The following FAM9C variants were observed in gnomAD, a reference collection of about 807,000 sequenced individuals.
The protein encoded by FAM9C is family with sequence similarity 9 member C.
A neutral mutation model predicts 14.8 loss-of-function variants in FAM9C; 15 were observed. The ratio of observed to expected loss-of-function variants is 1.02; its 90% CI spans 0.68 to 1.56. FAM9C has a LOEUF of 1.56. Among genes scored for constraint, FAM9C ranks in the 40% most tolerant of loss-of-function variants. The probability of loss-of-function intolerance (pLI) is 0.00; values close to 1 mark genes in which losing one functional copy is unlikely to be tolerated. For synonymous variants in FAM9C, 45 were observed against 37.5 expected (o/e 1.20, Z -0.74); for missense variants, 116 against 118.0 (o/e 0.98, Z 0.08).
intron 7 of FAM9C, 41 bp downstream of exon 7, chrX:13,038,375 G>T: frequency 9.9e-7 from 1 of 1,010,876 alleles, no homozygotes. Context: ...TGCATGTGTT[G>T]TATTTTATAA....
rs1461774577 is a variant in FAM9C at position 13,035,685 on chromosome X, C to A, written c.*359G>T. The A allele has an allele frequency of 8.9e-6, 1 of 112,257 alleles. No homozygotes were observed. The highest frequency in any genetic ancestry group is 1.9e-5 in the Non-Finnish European group (1 of 53,164). The allele number at this position is 112,257 out of a possible 1,213,427, so 9.3% of individuals were successfully genotyped here. ...TGCCCGTGCTTTCCACATTTTGGAA[C>A]TGATACAGATCCACAGAGGCCAAAC... On this transcript the variant is annotated 3_prime_UTR_variant, in exon 8 of 8. Coordinates refer to ENST00000380625, the MANE Select transcript of FAM9C (RefSeq NM_174901.6).
chrX:13,043,386 C>T (rs1282022504), intron 2 of FAM9C, 138 bp from the exon 3 acceptor site: 1 of 863,166 alleles, frequency 1.2e-6, no homozygotes, highest in Non-Finnish European at 1.6e-6. Context: ...TACATGGAAT[C>T]GCCGGCTCCT....
intron 4 of FAM9C, 23 bp downstream of exon 4, chrX:13,042,895 C>G: frequency 8.3e-7 from 1 of 1,207,819 alleles, no homozygotes; most frequent in Non-Finnish European, 1.1e-6. Flanking sequence ...TTTCATAAAC[C>G]ACAAATAGCT....
chrX:13,037,273 G>T (rs1033868968), intron 7 of FAM9C: 19 of 112,257 alleles, frequency 1.7e-4, no homozygotes, highest in African/African-American at 6.2e-4. Flanking sequence ...TCTTGAACTA[G>T]GGTTGCCTCA....
At position 13,043,206 on chromosome X, in the gene FAM9C, A is replaced by G; in HGVS notation, c.104T>C (p.Val35Ala). 8.3e-7 allele frequency: 1 copy of G among 1,209,317 alleles called. No homozygotes were observed. Among genetic ancestry groups the G allele is most frequent in the Non-Finnish European group, 1.1e-6 (1 of 894,523 alleles). Residue 35 changes from valine to alanine, a missense_variant, in exon 3 of 8, where the codon GTT (valine) becomes GCT (alanine). By Grantham distance (64) the Val-to-Ala change is moderately conservative. Transcript: ENST00000380625. The part of the protein sequence containing the change: ...VSHEHEERKP[V>A]TETKEGDVTD... ...TACATCTCCCTCCTTTGTCTCTGTAACAGGTTTTCTTTCCTCATGCTCATG... is the reference window on the plus strand; with the variant it reads ...TACATCTCCCTCCTTTGTCTCTGTAGCAGGTTTTCTTTCCTCATGCTCATG...
chrX:13,043,111 G>A lies in FAM9C; in HGVS notation c.182+17C>T. 1 of 1,197,617 alleles carries A rather than the reference G, an allele frequency of 8.3e-7. No individual in the cohort carries two copies. The highest frequency in any genetic ancestry group is 1.1e-6 in the Non-Finnish European group (1 of 890,597). On this transcript the variant is annotated intron_variant, in intron 3 of 7. Transcript: ENST00000380625. ...AAAGACCTTATCTGACAGGCAAAAG[G>A]GACTTAAACACTTTACCCCGTGTGT...
intron 4 of FAM9C, chrX:13,041,577 T>C (rs1361960474): frequency 8.9e-6 from 1 of 112,235 alleles, no homozygotes; most frequent in Admixed American, 9.4e-5. Context: ...AAGTATCTGA[T>C]TTAATAAGAC....
rs147116056 is a variant in FAM9C, at chrX:13,038,291, G to A, written c.*25+125C>T. The A allele has an allele frequency of 2.3e-3, 1,018 of 436,925 alleles. 7 individuals carry two copies. The highest frequency in any genetic ancestry group is 0.02 in the African/African-American group (786 of 39,313). The allele number at this position is 436,925 out of a possible 1,213,427, so 36.0% of individuals were successfully genotyped here. A position where few individuals can be genotyped will look rare whatever the true frequency, so the allele number is the denominator to read the frequency against. On this transcript the variant is annotated intron_variant, in intron 7 of 7. Transcript: ENST00000380625. Reference sequence around the variant, plus strand: ...GAACAACACATTCAAAGTGAAAATGGTAAGTAATTTAAAATGTATAACCAA... The same window carrying A: ...GAACAACACATTCAAAGTGAAAATGATAAGTAATTTAAAATGTATAACCAA...
At chrX:13,037,330 C>T (rs2043488099) in intron 7 of FAM9C, 2 of 112,396 alleles carry the variant, frequency 1.8e-5, no homozygotes, top group Admixed American at 1.9e-4. Context: ...CAGAGTAAAA[C>T]TTGCCTCATG....
At chrX:13,041,045 A>G (rs2043522155) in intron 4 of FAM9C, 173 bp from the exon 5 acceptor site, 1 of 311,782 alleles carries the variant, frequency 3.2e-6, no homozygotes, top group Admixed American at 6.1e-5. Context: ...AAAACCTTTC[A>G]GGTATTAGTA....
intron 7 of FAM9C, chrX:13,036,697 T>C (rs1295366456): frequency 1.8e-5 from 2 of 111,832 alleles, no homozygotes; most frequent in African/African-American, 6.5e-5. Flanking sequence ...CAACAAATAG[T>C]TCAACAGTTC....
intron 6 of FAM9C, among the ~76,000 whole-genome samples, chrX:13,039,067 A>G (rs1209799492): frequency 9.0e-6 from 1 of 111,676 alleles, no homozygotes. Flanking sequence ...CATGGGTCAG[A>G]TCGCATCCTG....
Position 13,043,254 on chromosome X carries a change from T to C in FAM9C, c.62-6A>G. On this transcript the variant is annotated splice_polypyrimidine_tract_variant and splice_region_variant and intron_variant, in intron 2 of 7. Coordinates refer to ENST00000380625, the MANE Select transcript of FAM9C (RefSeq NM_174901.6). ...ATGACTTACTGGATCCTTTCCTGCA[T>C]TAAAATAAAAAAGACAAACCTTTTT... 8.4e-7 allele frequency: 1 copy of C among 1,191,606 alleles called. No homozygotes were observed. The highest frequency in any genetic ancestry group is 1.1e-6 in the Non-Finnish European group (1 of 889,074).
intron 6 of FAM9C, among the ~76,000 whole-genome samples, chrX:13,039,431 T>C (rs916536087): frequency 9.0e-6 from 1 of 111,173 alleles, no homozygotes; most frequent in African/African-American, 3.3e-5. Context: ...CCCACCCCCA[T>C]GTGCTCAGGT....
At position 13,042,906 on chromosome X, in the gene FAM9C, C is replaced by A; in HGVS notation, c.214+12G>T. On this transcript the variant is annotated intron_variant, in intron 4 of 7. Transcript: ENST00000380625. ...CAATTTTCATAAACCACAAATAGCTCGTAAAACATACCTGCAATATCTTCT... is the reference window on the plus strand; with the variant it reads ...CAATTTTCATAAACCACAAATAGCTAGTAAAACATACCTGCAATATCTTCT... The A allele has an allele frequency of 2.5e-6, 3 of 1,207,273 alleles. No homozygotes were observed. The highest frequency in any genetic ancestry group is 3.4e-6 in the Non-Finnish European group (3 of 893,719).
chrX:13,041,604 ATAACT>A (rs781512991), intron 4 of FAM9C: 102 of 112,810 alleles, frequency 9.0e-4, no homozygotes, highest in African/African-American at 3.1e-3. Flanking sequence ...AAGGGTAGAA[ATAACT>A]TAATACACAA....
intron 6 of FAM9C, among the ~76,000 whole-genome samples, chrX:13,039,162 G>T (rs746861636): frequency 2.5e-4 from 28 of 111,580 alleles, no homozygotes; most frequent in Non-Finnish European, 5.3e-4. Flanking sequence ...GTCTCCTTTC[G>T]TATATAAAGT....
intron 1 of FAM9C, among the ~76,000 whole-genome samples, chrX:13,044,313 A>AC (rs2043556198): frequency 1.6e-4 from 12 of 74,599 alleles, no homozygotes; most frequent in South Asian, 1.7e-3. Context: ...ACCCACGTTG[A>AC]CCCCCCGACC....
Position 13,043,769 on chromosome X carries a change from C to G in FAM9C, c.21G>C (p.Leu7Phe), listed in dbSNP as rs747549097. Residue 7 changes from leucine (L) to phenylalanine (F), a missense_variant, in exon 2 of 8, where the codon TTG becomes TTC. Transcript: ENST00000380625. MAAKDQ[L>F]EVQVMAAQEM... ...CCTGGGCGGCCATAACTTGAACCTCCAACTGGTCCTTGGCAGCCATCCTGC... is the reference window on the plus strand; with the variant it reads ...CCTGGGCGGCCATAACTTGAACCTCGAACTGGTCCTTGGCAGCCATCCTGC... 1.6e-6 allele frequency: 2 copies of G among 1,212,435 alleles called. No individual in the cohort carries two copies. The highest frequency in any genetic ancestry group is 3.5e-5 in the South Asian group (2 of 57,063).
Sources: allele counts gnomAD v4.1 joint callset (sites outside exome capture counted in the v4.1 genomes callset), GRCh38; gene constraint gnomAD v4.1.1; transcripts MANE v1.5; gene names NCBI Gene and HGNC (gene_info 2026-07-23, HGNC 2026-07-21).